RTN4: variants seen among roughly 807,000 people sequenced by gnomAD.
RTN4 encodes reticulon 4.
RTN4 carries 32 observed loss-of-function variants against 90.4 expected under a neutral mutation model. The ratio of observed to expected loss-of-function variants is 0.35; its 90% confidence interval spans 0.27 to 0.48. The LOEUF (loss-of-function observed/expected upper bound fraction) is 0.48, where lower values mean the gene tolerates loss of function less well. Ranked by LOEUF, RTN4 falls within the 20% of genes least tolerant of loss-of-function variation. The pLI is 0.99. For missense variants in RTN4, 1,706 were observed against 1,430.2 expected (o/e 1.19, Z -3.11); for synonymous variants, 629 against 552.5 (o/e 1.14, Z -1.94).
intron 2 of RTN4, among the ~76,000 whole-genome samples, chr2:55,062,825 T>C (rs1314738561): frequency 6.6e-6 from 1 of 152,266 alleles, no homozygotes; most frequent in East Asian, 1.9e-4. Flanking sequence ...TTGAAAATCC[T>C]TGCCTGATTC....
chr2:54,977,942 T>C (rs1482217402), intron 5 of RTN4, among the ~76,000 whole-genome samples: 1 of 152,172 alleles, frequency 6.6e-6, no homozygotes, highest in African/African-American at 2.4e-5. Flanking sequence ...CGGATACCCA[T>C]CATTTCACAC....
chr2:54,978,481 C>G (rs1163291285), intron 5 of RTN4, among the ~76,000 whole-genome samples: 1 of 144,588 alleles, frequency 6.9e-6, no homozygotes, highest in African/African-American at 2.5e-5. Flanking sequence ...GACCCAGAAT[C>G]TAAAAATGTA....
chr2:55,053,068 G>C (rs1343287570), upstream of RTN4, among the ~76,000 whole-genome samples: 1 of 152,048 alleles, frequency 6.6e-6, no homozygotes, highest in African/African-American at 2.4e-5. Context: ...AGTTAATATT[G>C]ATGCAATAAT....
Position 55,018,524 on chromosome 2 carries a change from T to C in RTN4, c.3013+6562A>G, listed in dbSNP as rs980016597. Among the ~76,000 whole-genome samples, 15 of 142,462 alleles carry C rather than the reference T, an allele frequency of 1.1e-4. 1 individual carries two copies. The highest frequency in any genetic ancestry group is 4.3e-4 in the African/African-American group (14 of 32,720). The allele number at this position is 142,462 out of a possible 152,430, so 93.5% of individuals were successfully genotyped here. ...GATTTGCAAACAATCCAGAACTCTT[T>C]TATCAAGTTTTTTTTTTATTATAGT... On this transcript the variant is annotated intron_variant, in intron 3 of 8. Transcript: ENST00000337526.
rs200092054 is a variant in RTN4 at position 54,973,794 on chromosome 2, G to A, written c.3477+27C>T. ...TGTAATAGAGTGAGTGCTCTATTCT[G>A]AAGTCAGCAGTTAGTTAGGAAATTA... is the stretch of plus-strand genomic sequence containing the variant. On this transcript the variant is annotated intron_variant, in intron 7 of 8. Coordinates refer to ENST00000337526, the MANE Select transcript of RTN4 (RefSeq NM_020532.5). 2.1e-5 allele frequency: 34 copies of A among 1,604,634 alleles called. No individual in the cohort carries two copies. In the Middle Eastern group the frequency reaches 5.0e-4, roughly 23 times the overall value.
rs764201558 is a variant in RTN4, at chr2:54,987,844, T to C, written c.3014-146A>G. 1.2e-4 allele frequency: 81 copies of C among 663,812 alleles called. 1 individual carries two copies. Among genetic ancestry groups the C allele is most frequent in the Non-Finnish European group, 2.0e-4 (75 of 384,534 alleles). 41.1% of individuals were successfully genotyped at this position (663,812 alleles called of 1,614,324 possible). On this transcript the variant is annotated intron_variant, in intron 3 of 8. Transcript: ENST00000337526. Reference sequence around the variant, plus strand: ...CACTAAGTTAAAGAAACACTAACTTTATAACCCACATTTTAAACCCACTCT... The same window carrying C: ...CACTAAGTTAAAGAAACACTAACTTCATAACCCACATTTTAAACCCACTCT...
intron 3 of RTN4, among the ~76,000 whole-genome samples, chr2:54,992,322 G>C (rs1290878727): frequency 6.6e-6 from 1 of 152,178 alleles, no homozygotes; most frequent in African/African-American, 2.4e-5. Flanking sequence ...ATGCCAAATT[G>C]AAGGCTTAGC....
At chr2:55,111,826 A>AC (rs1172640668) in intron 1 of RTN4, among the ~76,000 whole-genome samples, 1 of 151,696 alleles carries the variant, frequency 6.6e-6, no homozygotes, top group Non-Finnish European at 1.5e-5. Flanking sequence ...AATCTACCTC[A>AC]CCCCATGTCT....
intron 3 of RTN4, among the ~76,000 whole-genome samples, chr2:55,018,992 T>A (rs1007122138): frequency 9.9e-5 from 15 of 151,990 alleles, no homozygotes; most frequent in Admixed American, 5.2e-4. Flanking sequence ...CCTACAATAT[T>A]TTGTTAGGCT....
intron 1 of RTN4, among the ~76,000 whole-genome samples, chr2:55,102,440 A>G (rs1667868553): frequency 6.6e-6 from 1 of 152,190 alleles, no homozygotes; most frequent in Non-Finnish European, 1.5e-5. Flanking sequence ...ACACATAAAC[A>G]AAGGGACATA....
intron 3 of RTN4, among the ~76,000 whole-genome samples, chr2:55,013,849 G>T (rs945790191): frequency 6.6e-5 from 10 of 152,118 alleles, no homozygotes; most frequent in African/African-American, 2.4e-4. Flanking sequence ...AGATGCAAGG[G>T]AAAGAGGGTG....
intron 2 of RTN4, among the ~76,000 whole-genome samples, chr2:55,079,526 C>A (rs553437651): frequency 3.3e-5 from 5 of 152,194 alleles, no homozygotes; most frequent in African/African-American, 7.2e-5. Context: ...TTATGGTCAG[C>A]AAGAATACTG....
chr2:55,112,535 A>G (rs1460876850), exon 1 of RTN4: 2 of 152,314 alleles, frequency 1.3e-5, no homozygotes, highest in Non-Finnish European at 2.9e-5. Context: ...AGCTTTTTAT[A>G]GAGAAGCATC....
chr2:55,021,011 G>A (rs544465846), intron 3 of RTN4, among the ~76,000 whole-genome samples: 1 of 152,052 alleles, frequency 6.6e-6, no homozygotes, highest in African/African-American at 2.4e-5. Flanking sequence ...AAGAAAAGAA[G>A]AACATATGAG....
At chr2:55,060,632 C>T (rs1668272404) in intron 2 of RTN4, 1 of 152,218 alleles carries the variant, frequency 6.6e-6, no homozygotes, top group African/African-American at 2.4e-5. Context: ...ATGCTAAAGA[C>T]TTCTTGGGCT....
At chr2:55,101,368 G>A (rs10172205) in intron 1 of RTN4, among the ~76,000 whole-genome samples, 12 of 151,988 alleles carry the variant, frequency 7.9e-5, no homozygotes, top group African/African-American at 2.9e-4. Flanking sequence ...ATTATCCATT[G>A]TAATAATAAT....
At position 55,026,932 on chromosome 2, in the gene RTN4, T is replaced by C. The variant is rs1291976727; in HGVS notation, c.1167A>G (p.Pro389=). The C allele has an allele frequency of 7.4e-6, 12 of 1,613,684 alleles. No homozygotes were observed. In the South Asian group the frequency reaches 1.3e-4, roughly 18 times the overall value. ...PMREEYADFK[P]FERVWEVKDS... ...CTTTCACTTCCCATACTCGCTCAAA[T>C]GGTTTGAAGTCTGCATATTCCTCCC... The change falls in exon 3 of 9, where the codon CCA becomes CCG. Residue 389 remains proline, a synonymous_variant. Transcript: ENST00000337526.
intron 3 of RTN4, among the ~76,000 whole-genome samples, chr2:55,017,716 G>A (rs572386829): frequency 6.6e-6 from 1 of 152,258 alleles, no homozygotes; most frequent in Admixed American, 6.5e-5. Flanking sequence ...GATAGCAGTT[G>A]TCCAAAGTAG....
intron 2 of RTN4, among the ~76,000 whole-genome samples, chr2:55,075,863 T>C (rs544030868): frequency 2.6e-5 from 4 of 152,176 alleles, no homozygotes; most frequent in African/African-American, 9.7e-5. Flanking sequence ...CAACAAATGA[T>C]GCTGGGATAA....
Sources: gnomAD v4.1 joint callset for allele counts (sites outside exome capture counted in the v4.1 genomes callset) on GRCh38, gnomAD v4.1.1 for gene constraint, MANE v1.5 for transcripts, NCBI Gene and HGNC (gene_info 2026-07-23, HGNC 2026-07-21) for gene names.